The following BDP1 variants were observed in gnomAD, a reference collection of about 807,000 sequenced individuals.
BDP1 encodes the protein transcription factor TFIIIB component B'' homolog.
In BDP1, 169 loss-of-function variants were observed where a neutral mutation model predicts 266.6. The observed-to-expected ratio is 0.63, with a 90% CI of 0.56 to 0.72. The LOEUF is 0.72. BDP1 is among the 30% of genes least tolerant of loss of function. The probability of loss-of-function intolerance (pLI) is 0.00; values close to 1 mark genes in which losing one functional copy is unlikely to be tolerated. For synonymous variants in BDP1, 1,090 were observed against 1,022.4 expected, an observed-to-expected ratio of 1.07 and a Z score of -1.26; for missense variants, 3,015 against 3,053.8, an observed-to-expected ratio of 0.99 and a Z score of 0.30.
intron 38 of BDP1, among the ~76,000 whole-genome samples, chr5:71,564,547 C>T (rs1007172670): frequency 6.6e-6 from 1 of 151,884 alleles, no homozygotes; most frequent in Non-Finnish European, 1.5e-5. Context: ...AAAACTCCTA[C>T]TATGTTTAGG....
chr5:71,481,686 C>G (rs180672306), intron 7 of BDP1, among the ~76,000 whole-genome samples: 35 of 152,288 alleles, frequency 2.3e-4, no homozygotes, highest in African/African-American at 7.7e-4. Context: ...GGTCTTTAAT[C>G]TAGGACATCC....
In BDP1 at chr5:71,550,446, G is replaced by A. The variant is rs138974783; in HGVS notation, c.6995+840G>A. Among the ~76,000 whole-genome samples, 79 of 139,188 alleles carry A rather than the reference G, an allele frequency of 5.7e-4. No homozygotes were observed. The East Asian group carries it at 0.013, about 23-fold the overall frequency. The allele number at this position is 139,188 out of a possible 152,430, so 91.3% of individuals were successfully genotyped here. On this transcript the variant is annotated intron_variant, in intron 34 of 38. Transcript: ENST00000358731. ...CTCAGCTACAGGTGCGCACCACTGT[G>A]GTTAGCTAATTAAAAAAAAATTTTT...
chr5:71,476,687 G>A (rs913692546), intron 7 of BDP1, among the ~76,000 whole-genome samples: 55 of 151,670 alleles, frequency 3.6e-4, no homozygotes, highest in Middle Eastern at 6.8e-3. Context: ...AATTACAGGC[G>A]CGTGCCACCA....
At position 71,495,032 on chromosome 5, in the gene BDP1, G is replaced by A. The variant is rs56661846; in HGVS notation, c.1641-218G>A. The A allele has an allele frequency of 9.6e-3, 3,203 of 334,116 alleles. 82 individuals are homozygous for A. Among genetic ancestry groups the A allele is most frequent in the African/African-American group, 0.06 (2,842 of 47,098 alleles). The allele number at this position is 334,116 out of a possible 1,614,324, so 20.7% of individuals were successfully genotyped here. A position where few individuals can be genotyped will look rare whatever the true frequency, so the allele number is the denominator to read the frequency against. ...AAACTTCTTGAGCATGTTCCTAAGC[G>A]TGTAAATTTGTGGCTGCTGCTTTCT... On this transcript the variant is annotated intron_variant, in intron 11 of 38. Coordinates refer to ENST00000358731, the MANE Select transcript of BDP1 (RefSeq NM_018429.3).
At chr5:71,527,310 C>T (rs1344462002) in intron 25 of BDP1, among the ~76,000 whole-genome samples, 2 of 152,154 alleles carry the variant, frequency 1.3e-5, no homozygotes, top group Admixed American at 6.5e-5. Context: ...AACACCTGTC[C>T]CTTGAGCCCC....
intron 11 of BDP1, among the ~76,000 whole-genome samples, chr5:71,493,684 G>C (rs1763725456): frequency 6.6e-6 from 1 of 152,194 alleles, no homozygotes; most frequent in African/African-American, 2.4e-5. Context: ...ACTTTGCAGA[G>C]GGACTGTGCT....
Position 71,514,924 on chromosome 5 carries a change from AT to A in BDP1, c.4471-12del. 4 of 1,558,320 alleles carry A rather than the reference AT, an allele frequency of 2.6e-6. No individual in the cohort carries two copies. The highest frequency in any genetic ancestry group is 2.1e-5 in the Admixed American group (1 of 47,740). The stretch of plus-strand genomic sequence containing the variant: ...TATACTTTTAGCAACTGTGAATGAA[AT>A]TTTTTTTCTGTCTTCTAGGATGAAG... On this transcript the variant is annotated intron_variant, in intron 19 of 38. Transcript: ENST00000358731.
At chr5:71,508,149 G>T (rs1764684847) in intron 16 of BDP1, among the ~76,000 whole-genome samples, 1 of 152,096 alleles carries the variant, frequency 6.6e-6, no homozygotes, top group South Asian at 2.1e-4. Flanking sequence ...ATTTTGAGTA[G>T]AGACAGGGTT....
At chr5:71,572,858 CTTA>C in the BDP1 span, among the ~76,000 whole-genome samples, 5 of 152,136 alleles carry the variant, frequency 3.3e-5, no homozygotes, top group African/African-American at 1.2e-4. Context: ...CCATTAGCTC[CTTA>C]TTATTCTGTG....
At chr5:71,506,009 G>A (rs1464267225) in intron 16 of BDP1, among the ~76,000 whole-genome samples, 2 of 152,094 alleles carry the variant, frequency 1.3e-5, no homozygotes, top group Non-Finnish European at 2.9e-5. Flanking sequence ...CCACTGCCCG[G>A]ATTATTTTAC....
chr5:71,482,303 C>T (rs756255269), intron 7 of BDP1, among the ~76,000 whole-genome samples: 19 of 152,140 alleles, frequency 1.2e-4, no homozygotes, highest in Non-Finnish European at 2.4e-4. Context: ...CCTCCCTTTC[C>T]TTGGTTAGGA....
chr5:71,477,007 C>G (rs1436725310), intron 7 of BDP1, among the ~76,000 whole-genome samples: 1 of 151,782 alleles, frequency 6.6e-6, no homozygotes, highest in Non-Finnish European at 1.5e-5. Flanking sequence ...CCCGGCCCCC[C>G]CACCTTTTTT....
At position 71,460,335 on chromosome 5, in the gene BDP1, G is replaced by A. The variant is rs150714478; in HGVS notation, c.489+1480G>A. On this transcript the variant is annotated intron_variant, in intron 2 of 38. Coordinates refer to ENST00000358731, the MANE Select transcript of BDP1 (RefSeq NM_018429.3). Reference sequence around the variant, plus strand: ...GCAGAGGTTGCGGTGAGCCAAAATCGTGCCATTGCACTCCAGCATGAGTGA... The same window carrying A: ...GCAGAGGTTGCGGTGAGCCAAAATCATGCCATTGCACTCCAGCATGAGTGA... Among the ~76,000 whole-genome samples, 512 of 152,326 alleles carry A rather than the reference G, an allele frequency of 3.4e-3. 4 individuals are homozygous for A. The highest frequency in any genetic ancestry group is 0.012 in the African/African-American group (485 of 41,580).
chr5:71,575,741 G>T, the BDP1 span, among the ~76,000 whole-genome samples: 1 of 152,156 alleles, frequency 6.6e-6, no homozygotes, highest in Non-Finnish European at 1.5e-5. Flanking sequence ...ATTATCAATG[G>T]AGAGTTTTAC....
chr5:71,575,310 A>G, the BDP1 span, among the ~76,000 whole-genome samples: 1 of 152,224 alleles, frequency 6.6e-6, no homozygotes, highest in Non-Finnish European at 1.5e-5. Context: ...GATGGAGGTC[A>G]TTGATATTTC....
chr5:71,543,933 A>G (rs993252562), intron 30 of BDP1, among the ~76,000 whole-genome samples: 5 of 152,176 alleles, frequency 3.3e-5, no homozygotes, highest in African/African-American at 1.2e-4. Context: ...TGCAGTCTCA[A>G]ATTACCTCTT....
intron 26 of BDP1, among the ~76,000 whole-genome samples, chr5:71,535,263 G>A (rs549544637): frequency 4.0e-5 from 6 of 151,172 alleles, no homozygotes; most frequent in East Asian, 3.9e-4. Context: ...GTGCAATGGC[G>A]CAATCTTGGA....
intron 10 of BDP1, among the ~76,000 whole-genome samples, chr5:71,490,483 A>C (rs1188078093): frequency 6.6e-6 from 1 of 152,180 alleles, no homozygotes; most frequent in Non-Finnish European, 1.5e-5. Context: ...TACTTGCTTA[A>C]GTATTGCATT....
At chr5:71,492,150 A>T (rs1763635061) in intron 11 of BDP1, among the ~76,000 whole-genome samples, 1 of 152,154 alleles carries the variant, frequency 6.6e-6, no homozygotes, top group African/African-American at 2.4e-5. Flanking sequence ...TATAGACCAC[A>T]TTTTCTTTAT....
Sources: gnomAD v4.1 joint callset for allele counts (sites outside exome capture counted in the v4.1 genomes callset) on GRCh38, gnomAD v4.1.1 for gene constraint, MANE v1.5 for transcripts, NCBI Gene and HGNC (gene_info 2026-07-23, HGNC 2026-07-21) for gene names.